SCN10A: variants seen among roughly 807,000 people sequenced by gnomAD.
SCN10A encodes sodium voltage-gated channel alpha subunit 10, also known as sodium channel protein type 10 subunit alpha.
In SCN10A, 162 loss-of-function variants were observed where a neutral mutation model predicts 170.7. That is an observed-to-expected ratio of 0.95 (90% CI 0.84 to 1.08). The LOEUF is 1.08. SCN10A is among the 50% of genes least tolerant of loss of function. SCN10A has a pLI of 0.00. For missense variants in SCN10A, 2,527 were observed against 2,436.9 expected (o/e 1.04, Z -0.78); for synonymous variants, 985 against 904.6 (o/e 1.09, Z -1.59).
chr3:38,788,633 G>A (rs892794455), intron 4 of SCN10A, among the ~76,000 whole-genome samples: 4 of 151,326 alleles, frequency 2.6e-5, no homozygotes, highest in Non-Finnish European at 5.9e-5. Flanking sequence ...GGGGGGGTGG[G>A]GGCGAGGAGA....
chr3:38,787,724 C>T (rs547312685), intron 4 of SCN10A, among the ~76,000 whole-genome samples: 11 of 151,994 alleles, frequency 7.2e-5, no homozygotes, highest in South Asian at 2.1e-4. Context: ...CAGAACGTGC[C>T]GGTTTGTTAC....
Position 38,793,988 on chromosome 3 carries a change from A to G in SCN10A, c.23T>C (p.Leu8Pro), listed in dbSNP as rs2064320329. 9 of 1,613,816 alleles carry G rather than the reference A, an allele frequency of 5.6e-6. No individual in the cohort carries two copies. The highest frequency in any genetic ancestry group is 7.6e-6 in the Non-Finnish European group (9 of 1,179,862). MEFPIGS[L>P]ETNNFRRFTP... is the part of the protein sequence containing the mutation. Reference sequence around the variant, plus strand: ...AAAGCGACGGAAGTTGTTAGTTTCGAGGGATCCAATGGGGAATTCCATCTT... The same window carrying G: ...AAAGCGACGGAAGTTGTTAGTTTCGGGGGATCCAATGGGGAATTCCATCTT... Residue 8 changes from leucine to proline, a missense_variant, in exon 2 of 28, where the codon CTC becomes CCC. Transcript: ENST00000449082.
At chr3:38,703,113 A>G (rs1421067793) in intron 26 of SCN10A, among the ~76,000 whole-genome samples, 4 of 151,944 alleles carry the variant, frequency 2.6e-5, no homozygotes, top group African/African-American at 9.7e-5. Flanking sequence ...ACCCTTCCAC[A>G]CCACTGCTCT....
intron 11 of SCN10A, among the ~76,000 whole-genome samples, chr3:38,755,322 C>T (rs2063791621): frequency 6.6e-6 from 1 of 151,992 alleles, no homozygotes; most frequent in African/African-American, 2.4e-5. Context: ...ATCTCAGCAC[C>T]ACGGACAGGG....
chr3:38,722,517 G>T, intron 19 of SCN10A, 105 bp from the exon 20 acceptor site: 1 of 1,361,462 alleles, frequency 7.3e-7, no homozygotes, highest in Non-Finnish European at 1.0e-6. Flanking sequence ...CACTTGTCAT[G>T]CCCTTGGAAA....
At chr3:38,720,398 G>A (rs1020953167) in intron 20 of SCN10A, among the ~76,000 whole-genome samples, 1 of 152,214 alleles carries the variant, frequency 6.6e-6, no homozygotes. Context: ...TAAGCAAGAT[G>A]AGAAAGAGGT....
chr3:38,712,020 T>A, intron 23 of SCN10A, 141 bp downstream of exon 23: 1 of 765,916 alleles, frequency 1.3e-6, no homozygotes, highest in Non-Finnish European at 2.1e-6. Context: ...TGGTGTAGTC[T>A]GTAGGAATAG....
intron 5 of SCN10A, among the ~76,000 whole-genome samples, chr3:38,766,522 TGTGAC>T (rs1360459029): frequency 2.0e-5 from 3 of 152,188 alleles, no homozygotes; most frequent in Admixed American, 2.0e-4. Context: ...ATTCTGTTTA[TGTGAC>T]GTGCAGCATT....
intron 1 of SCN10A, among the ~76,000 whole-genome samples, chr3:38,802,559 T>C (rs2064379233): frequency 5.3e-5 from 8 of 152,220 alleles, no homozygotes; most frequent in Admixed American, 5.2e-4. Context: ...AAGGAGTCTC[T>C]ATTTAATAAA....
intron 21 of SCN10A, among the ~76,000 whole-genome samples, chr3:38,716,240 T>A (rs1401011167): frequency 6.6e-6 from 1 of 152,140 alleles, no homozygotes; most frequent in Non-Finnish European, 1.5e-5. Flanking sequence ...TTGTATCCCT[T>A]AAAAATTGAT....
intron 6 of SCN10A, among the ~76,000 whole-genome samples, chr3:38,762,253 G>T (rs1298836096): frequency 1.3e-5 from 2 of 152,194 alleles, no homozygotes; most frequent in Admixed American, 1.3e-4. Flanking sequence ...CTGAGTGATG[G>T]CTAAGGCAGC....
chr3:38,788,959 A>G lies in SCN10A; in HGVS notation c.467T>C (p.Ile156Thr), dbSNP rs773812695. 6 of 1,590,904 alleles carry G rather than the reference A, an allele frequency of 3.8e-6. No homozygotes were observed. Among genetic ancestry groups the G allele is most frequent in the African/African-American group, 1.3e-5 (1 of 74,416 alleles). Residue 156 changes from isoleucine to threonine, a missense_variant, in exon 4 of 28, where the codon ATT becomes ACT. Physicochemically the swap from Ile to Thr is moderately conservative, Grantham distance 89. Transcript: ENST00000449082. ...CMTRTDLPEKIEYVFTVIYTF... is the reference protein window; with the variant it reads ...CMTRTDLPEKTEYVFTVIYTF... ...TAATGATAGCAAATCTACTCACTCA[A>G]TTTTCTCTGGAAGGTCAGTTCGGGT...
intron 15 of SCN10A, among the ~76,000 whole-genome samples, chr3:38,733,207 A>T (rs2126006791): frequency 6.6e-6 from 1 of 152,334 alleles, no homozygotes; most frequent in East Asian, 1.9e-4. Flanking sequence ...TTTAAACCTT[A>T]AAACAAACCT....
intron 23 of SCN10A, 30 bp from the exon 24 acceptor site, chr3:38,710,927 G>A: frequency 6.3e-7 from 1 of 1,599,222 alleles, no homozygotes; most frequent in Non-Finnish European, 8.6e-7. Context: ...GCCACTCAGT[G>A]TCTGCCCATC....
chr3:38,725,122 T>G, intron 18 of SCN10A, 52 bp downstream of exon 18: 2 of 1,503,764 alleles, frequency 1.3e-6, no homozygotes, highest in Non-Finnish European at 1.8e-6. Context: ...ACCAGCCCAC[T>G]GCTCAGTGTC....
chr3:38,796,777 C>T (rs1389008583), intron 1 of SCN10A, among the ~76,000 whole-genome samples: 6 of 152,118 alleles, frequency 3.9e-5, no homozygotes, highest in African/African-American at 1.4e-4. Context: ...ATTCCTGTTT[C>T]ATGTTCCCAT....
intron 4 of SCN10A, among the ~76,000 whole-genome samples, chr3:38,782,482 T>C (rs1431579782): frequency 2.0e-5 from 3 of 152,118 alleles, no homozygotes; most frequent in Admixed American, 6.6e-5. Context: ...TTTGTTCTTG[T>C]ATATTTATAC....
At chr3:38,731,681 C>G (rs1433044513) in intron 15 of SCN10A, among the ~76,000 whole-genome samples, 10 of 152,206 alleles carry the variant, frequency 6.6e-5, no homozygotes, top group Non-Finnish European at 1.2e-4. Flanking sequence ...GCAGAATGAG[C>G]TTGCTGACGT....
intron 25 of SCN10A, among the ~76,000 whole-genome samples, chr3:38,709,106 AGG>A (rs1176785376): frequency 6.6e-6 from 1 of 152,088 alleles, no homozygotes; most frequent in Non-Finnish European, 1.5e-5. Context: ...GCCTTTCCTG[AGG>A]TGCCCTGACT....
Sources: allele counts gnomAD v4.1 joint callset (sites outside exome capture counted in the v4.1 genomes callset), GRCh38; gene constraint gnomAD v4.1.1; transcripts MANE v1.5; gene names NCBI Gene and HGNC (gene_info 2026-07-23, HGNC 2026-07-21).